The following TSPAN12 variants were observed in gnomAD, a reference collection of about 807,000 sequenced individuals.
The protein encoded by TSPAN12 is tetraspanin-12.
TSPAN12 carries 19 observed loss-of-function variants against 39.2 expected under a neutral mutation model. The ratio of observed to expected loss-of-function variants is 0.49; its 90% CI spans 0.34 to 0.71. The LOEUF (loss-of-function observed/expected upper bound fraction) is 0.71. TSPAN12 is among the 30% of genes least tolerant of loss of function. TSPAN12 has a pLI of 0.01. For missense variants in TSPAN12, 314 were observed against 359.9 expected, an observed-to-expected ratio of 0.87 and a Z score of 1.03; for synonymous variants, 119 against 124.8, an observed-to-expected ratio of 0.95 and a Z score of 0.31.
chr7:120,840,848 C>T (rs936659767), intron 2 of TSPAN12, among the ~76,000 whole-genome samples: 1 of 152,202 alleles, frequency 6.6e-6, no homozygotes, highest in African/African-American at 2.4e-5. Flanking sequence ...TAGAGCATCA[C>T]CATTTAACAA....
At chr7:120,800,218 A>T (rs539882440) in intron 7 of TSPAN12, among the ~76,000 whole-genome samples, 1 of 152,256 alleles carries the variant, frequency 6.6e-6, no homozygotes, top group South Asian at 2.1e-4. Flanking sequence ...ACATCATACA[A>T]CACTCAACGG....
At chr7:120,806,246 C>G (rs373922050) in intron 7 of TSPAN12, among the ~76,000 whole-genome samples, 9 of 152,106 alleles carry the variant, frequency 5.9e-5, no homozygotes, top group African/African-American at 2.2e-4. Context: ...TAGCTACATA[C>G]TCTGCCTGTG....
chr7:120,802,862 C>G (rs1337093548), intron 7 of TSPAN12, among the ~76,000 whole-genome samples: 1 of 152,196 alleles, frequency 6.6e-6, no homozygotes, highest in Non-Finnish European at 1.5e-5. Flanking sequence ...TTTCTGCTGT[C>G]ATTTTTCACA....
intron 7 of TSPAN12, among the ~76,000 whole-genome samples, chr7:120,797,457 G>C (rs1263999664): frequency 2.6e-5 from 4 of 152,376 alleles, no homozygotes; most frequent in East Asian, 1.9e-4. Flanking sequence ...CTATGAAAGA[G>C]AGATAAACTC....
chr7:120,795,510 G>A (rs1162359668), intron 7 of TSPAN12, among the ~76,000 whole-genome samples: 1 of 152,150 alleles, frequency 6.6e-6, no homozygotes, highest in Admixed American at 6.5e-5. Context: ...AAAATTGGAA[G>A]AACACCCATG....
intron 2 of TSPAN12, among the ~76,000 whole-genome samples, chr7:120,852,842 T>C (rs1477935050): frequency 6.6e-6 from 1 of 152,098 alleles, no homozygotes; most frequent in Non-Finnish European, 1.5e-5. Context: ...TACCAGTTTC[T>C]TTATCTAAAA....
At chr7:120,830,452 T>A (rs1445820431) in intron 4 of TSPAN12, among the ~76,000 whole-genome samples, 1 of 151,798 alleles carries the variant, frequency 6.6e-6, no homozygotes, top group Non-Finnish European at 1.5e-5. Flanking sequence ...AAAACAGATA[T>A]CAACCAATGG....
chr7:120,806,756 T>C (rs987650010), intron 6 of TSPAN12, 64 bp from the exon 7 acceptor site: 2 of 1,603,120 alleles, frequency 1.2e-6, no homozygotes, highest in African/African-American at 2.7e-5. Flanking sequence ...TTATAGGAGA[T>C]TAAACATCAG....
chr7:120,796,122 G>T (rs1390290473), intron 7 of TSPAN12, among the ~76,000 whole-genome samples: 1 of 152,136 alleles, frequency 6.6e-6, no homozygotes, highest in Non-Finnish European at 1.5e-5. Flanking sequence ...AAGGCTTCTT[G>T]CTCACTAGTG....
chr7:120,846,388 C>T (rs945769945), intron 2 of TSPAN12, among the ~76,000 whole-genome samples: 1 of 152,174 alleles, frequency 6.6e-6, no homozygotes, highest in East Asian at 1.9e-4. Flanking sequence ...TCTATACTGG[C>T]TTTATAGGCT....
intron 5 of TSPAN12, among the ~76,000 whole-genome samples, chr7:120,811,318 G>A (rs902100376): frequency 3.3e-5 from 5 of 152,094 alleles, no homozygotes; most frequent in East Asian, 1.9e-4. Flanking sequence ...AGCACATTTC[G>A]CAATTGTAAA....
chr7:120,799,070 AC>A (rs1341793298), intron 7 of TSPAN12, among the ~76,000 whole-genome samples: 1 of 152,072 alleles, frequency 6.6e-6, no homozygotes, highest in Non-Finnish European at 1.5e-5. Flanking sequence ...TGCAGACTTG[AC>A]CAACTTCTAT....
At chr7:120,818,996 T>C (rs1794137299) in intron 4 of TSPAN12, among the ~76,000 whole-genome samples, 1 of 152,088 alleles carries the variant, frequency 6.6e-6, no homozygotes, top group Non-Finnish European at 1.5e-5. Flanking sequence ...AGAGACCAAA[T>C]GTTCAGTAAC....
intron 6 of TSPAN12, among the ~76,000 whole-genome samples, chr7:120,809,845 T>G (rs1261677788): frequency 6.6e-6 from 1 of 152,218 alleles, no homozygotes; most frequent in Non-Finnish European, 1.5e-5. Context: ...AATGTTATTG[T>G]TAATAACCAT....
At chr7:120,851,928 T>G (rs7781985) in intron 2 of TSPAN12, among the ~76,000 whole-genome samples, 61,970 of 152,008 alleles carry the variant, frequency 0.41, 15,136 homozygotes, top group African/African-American at 0.69. Flanking sequence ...AAAGACACTC[T>G]ACAGATGGCA....
chr7:120,850,791 G>A (rs940527911), intron 2 of TSPAN12, among the ~76,000 whole-genome samples: 3 of 151,510 alleles, frequency 2.0e-5, no homozygotes, highest in Admixed American at 1.3e-4. Context: ...CCAGGTTCAA[G>A]CAGTTCTCCT....
At chr7:120,802,174 T>A (rs1020868742) in intron 7 of TSPAN12, among the ~76,000 whole-genome samples, 7 of 152,174 alleles carry the variant, frequency 4.6e-5, no homozygotes, top group Non-Finnish European at 7.3e-5. Flanking sequence ...AAACTCTGAG[T>A]CTGATATTTT....
Position 120,789,991 on chromosome 7 carries a change from C to T in TSPAN12, c.613-1094G>A, listed in dbSNP as rs573141681. On this transcript the variant is annotated intron_variant, in intron 7 of 7. Coordinates refer to ENST00000222747, the MANE Select transcript of TSPAN12 (RefSeq NM_012338.4). ...GGTGGCCAGATTTTCATGCACTATG[C>T]GAATGGTACACCTGATCTGACCAAT... Among the ~76,000 whole-genome samples, 5 of 152,214 alleles carry T rather than the reference C, an allele frequency of 3.3e-5. No individual in the cohort carries two copies. In the East Asian group the frequency reaches 9.6e-4, roughly 29 times the overall value.
At chr7:120,856,960 T>C in intron 1 of TSPAN12, 127 bp from the exon 2 acceptor site, 1 of 638,856 alleles carries the variant, frequency 1.6e-6, no homozygotes, top group Non-Finnish European at 2.8e-6. Flanking sequence ...ATTCGAGACA[T>C]CGCCTCATCA....
Sources: gnomAD v4.1 joint callset for allele counts (sites outside exome capture counted in the v4.1 genomes callset) on GRCh38, gnomAD v4.1.1 for gene constraint, MANE v1.5 for transcripts, NCBI Gene and HGNC (gene_info 2026-07-23, HGNC 2026-07-21) for gene names.